ZMYM2: variants seen among roughly 807,000 people sequenced by gnomAD.
ZMYM2 encodes zinc finger MYM-type containing 2, also known as zinc finger MYM-type protein 2.
ZMYM2 carries 56 observed loss-of-function variants against 162.8 expected under a neutral mutation model. The observed-to-expected ratio is 0.34, with a 90% confidence interval of 0.28 to 0.43. The LOEUF (loss-of-function observed/expected upper bound fraction) is 0.43. Ranked by LOEUF, ZMYM2 falls within the 20% of genes least tolerant of loss-of-function variation. The pLI, the probability that ZMYM2 is intolerant of heterozygous loss-of-function variation, is 1.00. For missense variants in ZMYM2, 1,275 were observed against 1,621.8 expected (o/e 0.79, Z 3.67); for synonymous variants, 510 against 541.6 (o/e 0.94, Z 0.81).
intron 2 of ZMYM2, among the ~76,000 whole-genome samples, chr13:19,981,871 G>A (rs903265232): frequency 2.6e-5 from 4 of 151,694 alleles, no homozygotes; most frequent in Non-Finnish European, 5.9e-5. Context: ...TCTAAAAGCT[G>A]TGTGGACACT....
rs56664916 is a variant in ZMYM2 at position 20,075,670 on chromosome 13, C to CTTTTT, written c.3454-6318_3454-6314dup. 7.7e-4 allele frequency among the ~76,000 whole-genome samples: 58 copies of CTTTTT among 75,712 alleles called. 1 individual carries two copies. The highest frequency in any genetic ancestry group is 3.6e-3 in the South Asian group (7 of 1,922). 49.7% of individuals were successfully genotyped at this position (75,712 alleles called of 152,430 possible). On this transcript the variant is annotated intron_variant, in intron 21 of 24. Coordinates refer to ENST00000610343, the MANE Select transcript of ZMYM2 (RefSeq NM_197968.4). The stretch of plus-strand genomic sequence containing the variant: ...TTATTATGAATAGAACTATAGACAC[C>CTTTTT]TTTTTTTTTTTTTTTTTTTTTTTTT...
At chr13:19,918,525 A>C in the ZMYM2 span, among the ~76,000 whole-genome samples, 2 of 80,898 alleles carry the variant, frequency 2.5e-5, no homozygotes, top group African/African-American at 9.9e-5. Context: ...TTTGAGACGG[A>C]GCTTTTGCTC....
intron 6 of ZMYM2, among the ~76,000 whole-genome samples, chr13:20,013,146 T>G (rs569282152): frequency 2.0e-5 from 3 of 152,336 alleles, no homozygotes; most frequent in Admixed American, 6.5e-5. Flanking sequence ...CTTTCAGCAG[T>G]CTTTTGTGGT....
At chr13:20,059,318 A>G in intron 15 of ZMYM2, 129 bp from the exon 16 acceptor site, 1 of 892,270 alleles carries the variant, frequency 1.1e-6, no homozygotes, top group Non-Finnish European at 1.5e-6. Context: ...CTAACTTAAA[A>G]AAACTGGGAA....
intron 2 of ZMYM2, among the ~76,000 whole-genome samples, chr13:19,985,528 G>T (rs1949060486): frequency 1.2e-5 from 1 of 80,890 alleles, no homozygotes; most frequent in Non-Finnish European, 3.8e-5. Flanking sequence ...TTATTGAATG[G>T]TTGTGTTTTT....
chr13:19,977,259 G>A (rs1054128006), intron 2 of ZMYM2, among the ~76,000 whole-genome samples: 3 of 152,082 alleles, frequency 2.0e-5, no homozygotes, highest in Non-Finnish European at 2.9e-5. Flanking sequence ...GGGCTCAGGT[G>A]ATCCTGCTGC....
At chr13:19,950,537 G>A in the ZMYM2 span, among the ~76,000 whole-genome samples, 3 of 152,160 alleles carry the variant, frequency 2.0e-5, no homozygotes, top group South Asian at 2.1e-4. Flanking sequence ...TAAGGCAAAC[G>A]CTAAGCTCTA....
chr13:20,038,468 CA>C (rs1953937917), intron 12 of ZMYM2, among the ~76,000 whole-genome samples: 1 of 152,152 alleles, frequency 6.6e-6, no homozygotes, highest in African/African-American at 2.4e-5. Context: ...GGAAGGGGTC[CA>C]GTTTCAGTCT....
upstream of ZMYM2, among the ~76,000 whole-genome samples, chr13:19,957,527 T>C (rs1423792465): frequency 6.7e-6 from 1 of 149,796 alleles, no homozygotes; most frequent in Non-Finnish European, 1.5e-5. Flanking sequence ...AGAAGACCCC[T>C]CGTGGAGGTG....
intron 14 of ZMYM2, among the ~76,000 whole-genome samples, chr13:20,053,066 A>C (rs142333298): frequency 9.2e-5 from 14 of 152,332 alleles, no homozygotes; most frequent in Middle Eastern, 3.4e-3. Flanking sequence ...TTATAGGTTG[A>C]AAGTGGCCAT....
intron 6 of ZMYM2, among the ~76,000 whole-genome samples, chr13:20,019,106 CA>C (rs67352152): frequency 0.86 from 115,448 of 134,644 alleles, 50,688 homozygotes; most frequent in East Asian, 0.98. Flanking sequence ...ACAACAACAA[CA>C]AAAAAAAACA....
chr13:20,061,370 A>C, intron 17 of ZMYM2, 146 bp downstream of exon 17: 9 of 651,254 alleles, frequency 1.4e-5, no homozygotes, highest in Non-Finnish European at 1.7e-5. Flanking sequence ...TTTTTATATT[A>C]AGAGATCTAC....
chr13:19,884,387 A>G, the ZMYM2 span, among the ~76,000 whole-genome samples: 1 of 152,120 alleles, frequency 6.6e-6, no homozygotes, highest in Non-Finnish European at 1.5e-5. Flanking sequence ...GGCCCGGGCT[A>G]ACACAGTATA....
the ZMYM2 span, among the ~76,000 whole-genome samples, chr13:19,908,557 T>C: frequency 6.6e-6 from 1 of 152,190 alleles, no homozygotes; most frequent in Non-Finnish European, 1.5e-5. Flanking sequence ...CTTCATCCAT[T>C]GTAAAGTTCC....
At chr13:20,083,633 T>A (rs994131537) in intron 23 of ZMYM2, 23 bp from the exon 24 acceptor site, 2 of 1,462,404 alleles carry the variant, frequency 1.4e-6, no homozygotes, top group Non-Finnish European at 1.9e-6. Context: ...TTTAGGAGGT[T>A]TATTTCACTT....
At chr13:19,870,550 T>TCTTTCTTTCTTTCTTTCTTTCTTCCTTC in the ZMYM2 span, among the ~76,000 whole-genome samples, 3 of 114,742 alleles carry the variant, frequency 2.6e-5, no homozygotes, top group African/African-American at 1.0e-4. Flanking sequence ...TTTCTTTCTT[T>TCTTTCTTTCTTTCTTTCTTTCTTCCTTC]CTTCCTTCCT....
chr13:19,895,137 A>G, the ZMYM2 span, among the ~76,000 whole-genome samples: 3 of 151,380 alleles, frequency 2.0e-5, no homozygotes. Context: ...CTGTCTGTAT[A>G]TATAAAACAG....
chr13:19,891,446 C>T, the ZMYM2 span, among the ~76,000 whole-genome samples: 1 of 150,950 alleles, frequency 6.6e-6, no homozygotes, highest in African/African-American at 2.5e-5. Flanking sequence ...GAGCTAATAC[C>T]GTGTGACAGT....
At chr13:20,036,946 A>G in intron 12 of ZMYM2, 37 bp downstream of exon 12, 2 of 1,539,674 alleles carry the variant, frequency 1.3e-6, no homozygotes, top group Non-Finnish European at 1.7e-6. Flanking sequence ...TACTTTAACC[A>G]GTCTTAAAAA....
Sources: allele counts gnomAD v4.1 joint callset (sites outside exome capture counted in the v4.1 genomes callset), GRCh38; gene constraint gnomAD v4.1.1; transcripts MANE v1.5; gene names NCBI Gene and HGNC (gene_info 2026-07-23, HGNC 2026-07-21).